HPSE2: variants seen among roughly 807,000 people sequenced by gnomAD.
HPSE2 encodes the protein inactive heparanase-2.
HPSE2 carries 38 observed loss-of-function variants against 60.5 expected under a neutral mutation model. The observed-to-expected ratio is 0.63, with a 90% CI of 0.48 to 0.82. HPSE2 has a LOEUF of 0.82. Ranked by LOEUF, HPSE2 falls within the 40% of genes least tolerant of loss-of-function variation. The probability of loss-of-function intolerance (pLI) is 0.00; values close to 1 mark genes in which losing one functional copy is unlikely to be tolerated. For missense variants in HPSE2, 713 were observed against 740.4 expected, an observed-to-expected ratio of 0.96 and a Z score of 0.43; for synonymous variants, 295 against 293.2, an observed-to-expected ratio of 1.01 and a Z score of -0.06.
rs142146419 is a variant in HPSE2 at position 98,558,550 on chromosome 10, G to A, written c.1320+56354C>T. 6.2e-4 allele frequency among the ~76,000 whole-genome samples: 94 copies of A among 152,228 alleles called. 1 individual carries two copies. In the East Asian group the frequency reaches 0.013, roughly 21 times the overall value. On this transcript the variant is annotated intron_variant, in intron 9 of 11. Transcript: ENST00000370552. ...ATTCCATTTATAGAGTATAAAACTG[G>A]CAAAATTATTCCACATCATTTGCAG...
At chr10:98,841,065 C>T (rs1485937998) in intron 3 of HPSE2, among the ~76,000 whole-genome samples, 2 of 152,154 alleles carry the variant, frequency 1.3e-5, no homozygotes, top group Non-Finnish European at 2.9e-5. Flanking sequence ...GGAGACTGGC[C>T]TGGCCAACAT....
intron 3 of HPSE2, among the ~76,000 whole-genome samples, chr10:99,086,006 C>T (rs931756539): frequency 2.0e-5 from 3 of 152,192 alleles, no homozygotes; most frequent in Non-Finnish European, 4.4e-5. Flanking sequence ...TTCCAAAGTA[C>T]ACCACAGATG....
chr10:98,936,489 C>A (rs1212032551), intron 3 of HPSE2, among the ~76,000 whole-genome samples: 1 of 143,162 alleles, frequency 7.0e-6, no homozygotes, highest in African/African-American at 2.9e-5. Flanking sequence ...AGCATAGTAC[C>A]CCCAGTGGGT....
At chr10:98,583,143 G>A (rs921237500) in intron 9 of HPSE2, among the ~76,000 whole-genome samples, 1 of 152,118 alleles carries the variant, frequency 6.6e-6, no homozygotes, top group Non-Finnish European at 1.5e-5. Context: ...CTGGAGGCAG[G>A]GAACCTAAGA....
intron 7 of HPSE2, among the ~76,000 whole-genome samples, chr10:98,634,397 T>C (rs1946442919): frequency 6.6e-6 from 1 of 152,214 alleles, no homozygotes; most frequent in Non-Finnish European, 1.5e-5. Context: ...CTACTGTTCT[T>C]ACCCTAGTAA....
At chr10:99,295,669 T>C in the HPSE2 span, among the ~76,000 whole-genome samples, 1 of 152,196 alleles carries the variant, frequency 6.6e-6, no homozygotes, top group Non-Finnish European at 1.5e-5. Context: ...TACACTTTGT[T>C]TTCAAAAACT....
chr10:98,839,391 G>A (rs1474028878), intron 3 of HPSE2, among the ~76,000 whole-genome samples: 2 of 152,172 alleles, frequency 1.3e-5, no homozygotes, highest in Non-Finnish European at 2.9e-5. Context: ...GAAATATATT[G>A]TAGAAAGGTG....
chr10:98,593,925 C>T (rs1041978485), intron 9 of HPSE2, among the ~76,000 whole-genome samples: 1 of 151,932 alleles, frequency 6.6e-6, no homozygotes, highest in Non-Finnish European at 1.5e-5. Flanking sequence ...AAATCAATAC[C>T]CATGCTTTTC....
At chr10:98,706,258 C>T (rs1398741274) in intron 5 of HPSE2, among the ~76,000 whole-genome samples, 5 of 152,104 alleles carry the variant, frequency 3.3e-5, no homozygotes, top group African/African-American at 9.7e-5. Flanking sequence ...CTCTAAGATA[C>T]AAAAAATTAG....
intron 11 of HPSE2, among the ~76,000 whole-genome samples, chr10:98,476,496 A>G (rs556066136): frequency 1.3e-5 from 2 of 152,134 alleles, no homozygotes; most frequent in East Asian, 3.9e-4. Context: ...AAAAGAAAAA[A>G]AAAAGGGTCT....
rs939282574 is a variant in HPSE2 at position 98,839,552 on chromosome 10, A to C, written c.611-95496T>G. ...ATCCTCACAATTTAGTAGGAGAAAT[A>C]GGAGATACACATAAATAGTTAGAAT... On this transcript the variant is annotated intron_variant, in intron 3 of 11. Transcript: ENST00000370552. Among the ~76,000 whole-genome samples, 40 of 152,240 alleles carry C rather than the reference A, an allele frequency of 2.6e-4. 1 individual carries two copies. The highest frequency in any genetic ancestry group is 1.5e-5 in the Non-Finnish European group (1 of 68,044).
In HPSE2 at chr10:98,458,669, G is replaced by A. The variant is rs1940150463; in HGVS notation, c.*905C>T. 6.6e-6 allele frequency: 1 copy of A among 152,184 alleles called. No homozygotes were observed. Among genetic ancestry groups the A allele is most frequent in the Non-Finnish European group, 1.5e-5 (1 of 68,062 alleles). The allele number at this position is 152,184 out of a possible 1,614,324, so 9.4% of individuals were successfully genotyped here. A position where few individuals can be genotyped will look rare whatever the true frequency, so the allele number is the denominator to read the frequency against. ...CCTAATATTCTCTTAATTTTGGAGAGGTCTAATTTGCTTTGTCCAGTTGGG... is the reference window on the plus strand; with the variant it reads ...CCTAATATTCTCTTAATTTTGGAGAAGTCTAATTTGCTTTGTCCAGTTGGG... On this transcript the variant is annotated 3_prime_UTR_variant, in exon 12 of 12. Coordinates refer to ENST00000370552, the MANE Select transcript of HPSE2 (RefSeq NM_021828.5).
At chr10:99,189,763 G>A (rs1848154609) in intron 2 of HPSE2, among the ~76,000 whole-genome samples, 1 of 152,184 alleles carries the variant, frequency 6.6e-6, no homozygotes, top group Non-Finnish European at 1.5e-5. Flanking sequence ...AATGGGCTCT[G>A]ACTGTGGGTC....
chr10:99,168,448 T>G (rs978612842), intron 2 of HPSE2, among the ~76,000 whole-genome samples: 5 of 152,230 alleles, frequency 3.3e-5, no homozygotes, highest in African/African-American at 1.2e-4. Context: ...TTATTTCTAT[T>G]TTTATCTAGA....
chr10:98,693,867 T>C (rs1297279992), intron 6 of HPSE2, 33 bp downstream of exon 6: 2 of 1,517,580 alleles, frequency 1.3e-6, no homozygotes, highest in Non-Finnish European at 1.8e-6. Context: ...CAGCAGCTGA[T>C]AATAAGTAAG....
intron 7 of HPSE2, among the ~76,000 whole-genome samples, chr10:98,624,112 A>G (rs1463606833): frequency 1.3e-5 from 2 of 152,220 alleles, no homozygotes; most frequent in African/African-American, 4.8e-5. Context: ...TATAGCAATG[A>G]AGCATAACAA....
intron 9 of HPSE2, among the ~76,000 whole-genome samples, chr10:98,556,304 A>G (rs1944006110): frequency 6.6e-6 from 1 of 152,222 alleles, no homozygotes. Flanking sequence ...CCTAATAGAG[A>G]TAGTACGCTG....
chr10:99,093,668 G>A (rs1479489651), intron 3 of HPSE2, among the ~76,000 whole-genome samples: 1 of 152,168 alleles, frequency 6.6e-6, no homozygotes, highest in Non-Finnish European at 1.5e-5. Flanking sequence ...CACTTTTATA[G>A]CAGCATTGAT....
chr10:98,797,046 C>T (rs1161599327), intron 3 of HPSE2, among the ~76,000 whole-genome samples: 1 of 152,128 alleles, frequency 6.6e-6, no homozygotes, highest in Non-Finnish European at 1.5e-5. Context: ...ACTGTGAAGA[C>T]TATAATAAAT....
Sources: allele counts gnomAD v4.1 joint callset (sites outside exome capture counted in the v4.1 genomes callset), GRCh38; gene constraint gnomAD v4.1.1; transcripts MANE v1.5; gene names NCBI Gene and HGNC (gene_info 2026-07-23, HGNC 2026-07-21).